Variants in RNF213 observed in about 807,000 individuals in gnomAD.
The protein encoded by RNF213 is E3 ubiquitin-protein ligase RNF213.
Under a neutral mutation model 514.4 loss-of-function variants are expected in RNF213, and 341 were observed. The observed-to-expected ratio is 0.66, with a 90% CI of 0.61 to 0.73. The LOEUF is 0.73. Among genes scored for constraint, RNF213 ranks in the 30% least tolerant of loss-of-function variants. The pLI, the probability that RNF213 is intolerant of heterozygous loss-of-function variation, is 0.00. For synonymous variants in RNF213, 2,655 were observed against 2,658.2 expected (o/e 1.00, Z 0.04); for missense variants, 5,767 against 6,615.6 (o/e 0.87, Z 4.45).
intron 2 of RNF213, among the ~76,000 whole-genome samples, chr17:80,266,608 G>A (rs2043619447): frequency 6.6e-6 from 1 of 151,930 alleles, no homozygotes; most frequent in African/African-American, 2.4e-5. Context: ...TTCAAGTGAT[G>A]TTCCTGCCTC....
chr17:80,382,025 T>C, intron 57 of RNF213: 1 of 416,240 alleles, frequency 2.4e-6, no homozygotes, highest in South Asian at 2.2e-5. Context: ...AAGTGTTCAG[T>C]GTGCATATAT....
intron 15 of RNF213, among the ~76,000 whole-genome samples, chr17:80,315,380 GGAGGT>G (rs2045848306): frequency 8.3e-5 from 1 of 12,034 alleles, no homozygotes; most frequent in Non-Finnish European, 1.3e-4. Flanking sequence ...TGGAGGTAAT[GGAGGT>G]GATGGTGGTG....
At chr17:80,376,608 G>T in intron 52 of RNF213, 65 bp downstream of exon 52, 1 of 1,608,698 alleles carries the variant, frequency 6.2e-7, no homozygotes, top group South Asian at 1.1e-5. Flanking sequence ...TCACTGTAGA[G>T]ACCGAGCTGC....
Position 80,290,604 on chromosome 17 carries a change from T to TA in RNF213, c.1147_1148insA (p.Phe383TyrfsTer14). 6.2e-7 allele frequency: 1 copy of TA among 1,614,188 alleles called. No homozygotes were observed. The highest frequency in any genetic ancestry group is 8.5e-7 in the Non-Finnish European group (1 of 1,180,044). On this transcript the variant is annotated frameshift_variant, in exon 7 of 68. Coordinates refer to ENST00000582970, the MANE Select transcript of RNF213 (RefSeq NM_001256071.3). LOFTEE classifies it high-confidence loss of function. The stretch of plus-strand genomic sequence containing the variant: ...CCCGGGTGGAGGAGTCACCGTGTTC[T>TA]TCCACGCCATCATCTCTCTTCATTT...
At chr17:80,305,099 T>G (rs1435378617) in intron 11 of RNF213, among the ~76,000 whole-genome samples, 3 of 152,114 alleles carry the variant, frequency 2.0e-5, no homozygotes, top group Non-Finnish European at 4.4e-5. Context: ...GGTCTCAAAC[T>G]GCTGGCCTCA....
At chr17:80,371,707 A>G in intron 46 of RNF213, 167 bp from the exon 47 acceptor site, 1 of 570,724 alleles carries the variant, frequency 1.8e-6, no homozygotes, top group Non-Finnish European at 3.1e-6. Context: ...TTCCTCCAGT[A>G]TTATGCTAAA....
chr17:80,382,017 G>A (rs1228039416), intron 57 of RNF213: 2 of 431,088 alleles, frequency 4.6e-6, no homozygotes, highest in East Asian at 9.7e-5. Context: ...CTGCACGCAA[G>A]TGTTCAGTGT....
chr17:80,327,034 A>G (rs1356099407), intron 18 of RNF213, among the ~76,000 whole-genome samples: 1 of 152,232 alleles, frequency 6.6e-6, no homozygotes, highest in Non-Finnish European at 1.5e-5. Flanking sequence ...TACAGAGTAT[A>G]AAGTTATCAC....
In RNF213 at chr17:80,360,149, A is replaced by G; in HGVS notation, c.11143A>G (p.Ile3715Val). Residue 3715 changes from isoleucine (I) to valine (V), a missense_variant, in exon 38 of 68, where the codon ATC (isoleucine) becomes GTC (valine). Transcript: ENST00000582970. ...CAACAACGTCCCTTTCAGCTGGAAA[A>G]TCAAGGACTATCTGGAGGAGCTGTG... ...ASNNVPFSWK[I>V]KDYLEELWVQ... is the part of the protein sequence containing the mutation. 1.2e-6 allele frequency: 2 copies of G among 1,614,102 alleles called. No homozygotes were observed. The highest frequency in any genetic ancestry group is 1.7e-6 in the Non-Finnish European group (2 of 1,180,002).
chr17:80,337,422 C>G (rs1304113113), intron 23 of RNF213, 164 bp from the exon 24 acceptor site: 1 of 803,714 alleles, frequency 1.2e-6, no homozygotes, highest in African/African-American at 1.7e-5. Flanking sequence ...AGGGTGGCAC[C>G]TGGTCCAGCT....
At chr17:80,323,575 A>G (rs2046201775) in intron 17 of RNF213, among the ~76,000 whole-genome samples, 2 of 151,998 alleles carry the variant, frequency 1.3e-5, no homozygotes, top group Admixed American at 1.3e-4. Context: ...CTGTTGCCCA[A>G]GCTGGAGTGC....
intron 39 of RNF213, among the ~76,000 whole-genome samples, chr17:80,362,470 CCTTA>C (rs760717166): frequency 3.3e-5 from 5 of 152,224 alleles, no homozygotes; most frequent in Admixed American, 6.5e-5. Context: ...AATTGCTTAG[CCTTA>C]CTATTAATAG....
intron 13 of RNF213, among the ~76,000 whole-genome samples, chr17:80,308,000 C>T (rs988134174): frequency 2.6e-5 from 4 of 151,936 alleles, no homozygotes; most frequent in Admixed American, 6.6e-5. Context: ...GGGCGTTCTG[C>T]ATTTTTTTAA....
At position 80,330,684 on chromosome 17, in the gene RNF213, T is replaced by C. The variant is rs1188408461; in HGVS notation, c.3518-1322T>C. Among the ~76,000 whole-genome samples the C allele has an allele frequency of 3.9e-5, 6 of 152,262 alleles. No individual in the cohort carries two copies. The East Asian group carries it at 1.2e-3, about 29-fold the overall frequency. Reference sequence around the variant, plus strand: ...TAGAAAGGCCCTTTGTTCTGCCATGTATCTGTGGCCTCCAATCCACACGCC... The same window carrying C: ...TAGAAAGGCCCTTTGTTCTGCCATGCATCTGTGGCCTCCAATCCACACGCC... On this transcript the variant is annotated intron_variant, in intron 20 of 67. Transcript: ENST00000582970.
At chr17:80,273,808 C>T (rs573148375) in intron 3 of RNF213, among the ~76,000 whole-genome samples, 29 of 151,940 alleles carry the variant, frequency 1.9e-4, no homozygotes, top group African/African-American at 6.0e-4. Context: ...TTAGTAGAGA[C>T]GGGGTTTCAC....
rs1006025114 is a variant in RNF213, at chr17:80,317,406, G to A, written c.2901+129G>A. 1.2e-5 allele frequency: 10 copies of A among 827,702 alleles called. No homozygotes were observed. Among genetic ancestry groups the A allele is most frequent in the South Asian group, 2.9e-5 (2 of 69,120 alleles). The allele number at this position is 827,702 out of a possible 1,614,324, so 51.3% of individuals were successfully genotyped here. A position where few individuals can be genotyped will look rare whatever the true frequency, so the allele number is the denominator to read the frequency against. ...CAGGGATGGGGTGAATCACAGCTCC[G>A]TGTTTCTGTTTCTGATCCAGCCCTT... On this transcript the variant is annotated intron_variant, in intron 16 of 67. Coordinates refer to ENST00000582970, the MANE Select transcript of RNF213 (RefSeq NM_001256071.3). This position sits in a 1 kb window ranked among gnomAD's most constrained non-coding sequence, Gnocchi z 4.1.
intron 3 of RNF213, among the ~76,000 whole-genome samples, chr17:80,275,147 T>A (rs2044008491): frequency 8.6e-6 from 1 of 116,912 alleles, no homozygotes; most frequent in South Asian, 2.9e-4. Flanking sequence ...GTGTGTGTGT[T>A]GGGAGTGTGT....
intron 26 of RNF213, 145 bp from the exon 27 acceptor site, chr17:80,342,987 T>C: frequency 1.5e-6 from 1 of 654,512 alleles, no homozygotes; most frequent in Non-Finnish European, 2.7e-6. Flanking sequence ...TTTGTATTTT[T>C]AGTAGGGACG....
At chr17:80,340,521 C>G in intron 26 of RNF213, 165 bp downstream of exon 26, 2 of 636,316 alleles carry the variant, frequency 3.1e-6, no homozygotes, top group Admixed American at 2.8e-5. Flanking sequence ...ACCAGGCACC[C>G]TGGTCACCTG....
Sources: allele counts gnomAD v4.1 joint callset (sites outside exome capture counted in the v4.1 genomes callset), GRCh38; gene constraint gnomAD v4.1.1; non-coding constraint Gnocchi (gnomAD v3.1); transcripts MANE v1.5; gene names NCBI Gene and HGNC (gene_info 2026-07-23, HGNC 2026-07-21).